Variants in WWOX observed in about 807,000 individuals in gnomAD.
WWOX encodes WW domain-containing oxidoreductase.
A neutral mutation model predicts 46.2 loss-of-function variants in WWOX; 69 were observed. The ratio of observed to expected loss-of-function variants is 1.49; its 90% CI spans 1.23 to 1.82. The LOEUF is 1.82. Ranked by LOEUF, WWOX falls within the 40% of genes most tolerant of loss-of-function variation. WWOX has a pLI of 0.00. For synonymous variants in WWOX, 359 were observed against 202.6 expected, an observed-to-expected ratio of 1.77 and a Z score of -6.56; for missense variants, 919 against 542.6, an observed-to-expected ratio of 1.69 and a Z score of -6.89.
chr16:78,537,125 C>T (rs764930215), intron 8 of WWOX, among the ~76,000 whole-genome samples: 22 of 151,968 alleles, frequency 1.4e-4, no homozygotes, highest in Non-Finnish European at 2.9e-4. Context: ...CCATGTTGTC[C>T]AGGCTGGTCT....
At position 78,597,823 on chromosome 16, in the gene WWOX, C is replaced by CT. The variant is rs1419510326; in HGVS notation, c.1056+165080dup. On this transcript the variant is annotated intron_variant, in intron 8 of 8. Coordinates refer to ENST00000566780, the MANE Select transcript of WWOX (RefSeq NM_016373.4). ...TATACTGAATGCTAAGCCCTCCCCA[C>CT]TTTTTTTTTCTTTTTTAAATTCAGA... Among the ~76,000 whole-genome samples the CT allele has an allele frequency of 4.0e-5, 6 of 150,016 alleles. 1 individual carries two copies. The South Asian group carries it at 6.3e-4, about 16-fold the overall frequency.
intron 5 of WWOX, among the ~76,000 whole-genome samples, chr16:78,262,521 G>A (rs1597417189): frequency 6.6e-6 from 1 of 152,194 alleles, no homozygotes; most frequent in Non-Finnish European, 1.5e-5. Context: ...GGGGGCAGAT[G>A]CAGCCATTCA....
At chr16:78,961,772 A>C (rs1344144899) in intron 8 of WWOX, among the ~76,000 whole-genome samples, 1 of 152,140 alleles carries the variant, frequency 6.6e-6, no homozygotes, top group Admixed American at 6.5e-5. Flanking sequence ...TATCTTTTAA[A>C]CAAGTACCTC....
chr16:78,808,709 A>G (rs892479690), intron 8 of WWOX, among the ~76,000 whole-genome samples: 4 of 152,134 alleles, frequency 2.6e-5, no homozygotes, highest in African/African-American at 9.7e-5. Context: ...CACTAGATTG[A>G]GTGGTTCCAT....
At chr16:79,050,968 T>G (rs970364108) in intron 8 of WWOX, among the ~76,000 whole-genome samples, 1 of 152,208 alleles carries the variant, frequency 6.6e-6, no homozygotes, top group Admixed American at 6.5e-5. Flanking sequence ...CAGCCTTGAG[T>G]GCTCCTTGTG....
intron 5 of WWOX, chr16:78,168,101 C>T (rs1048305150): frequency 1.3e-5 from 2 of 152,178 alleles, no homozygotes; most frequent in Admixed American, 6.5e-5. Flanking sequence ...TTTGTTGCAG[C>T]AAAAGCTCAT....
At chr16:78,104,910 G>C (rs60424627) in intron 1 of WWOX, among the ~76,000 whole-genome samples, 52 of 152,238 alleles carry the variant, frequency 3.4e-4, no homozygotes, top group African/African-American at 1.3e-3. Context: ...CTGAGGCATG[G>C]GATTAAATGA....
At chr16:79,173,685 G>C (rs1306698573) in intron 8 of WWOX, among the ~76,000 whole-genome samples, 1 of 149,708 alleles carries the variant, frequency 6.7e-6, no homozygotes, top group Non-Finnish European at 1.5e-5. Flanking sequence ...TCAACCTGAA[G>C]GTTCAACAGC....
chr16:78,527,342 A>G (rs2043499071), intron 8 of WWOX, among the ~76,000 whole-genome samples: 1 of 139,692 alleles, frequency 7.2e-6, no homozygotes, highest in African/African-American at 2.6e-5. Flanking sequence ...TGCCTAGACT[A>G]GAGTGCAGTG....
intron 4 of WWOX, among the ~76,000 whole-genome samples, chr16:78,158,474 C>A (rs1378391710): frequency 6.6e-6 from 1 of 151,904 alleles, no homozygotes; most frequent in East Asian, 1.9e-4. Flanking sequence ...CCCTCCCTCC[C>A]CTCCCCTCCT....
intron 8 of WWOX, among the ~76,000 whole-genome samples, chr16:78,812,781 C>G (rs1283281526): frequency 3.9e-5 from 6 of 152,072 alleles, no homozygotes; most frequent in South Asian, 2.1e-4. Context: ...AGAATCAGCA[C>G]TAATTTACAA....
intron 8 of WWOX, among the ~76,000 whole-genome samples, chr16:78,731,839 CTTTCTCT>C (rs1353206935): frequency 3.6e-5 from 4 of 111,496 alleles, no homozygotes; most frequent in African/African-American, 2.1e-4. Context: ...AATTTTTTTT[CTTTCTCT>C]TTTTTTTTTT....
Position 79,140,761 on chromosome 16 carries a change from T to C in WWOX, c.1057-70847T>C, listed in dbSNP as rs545838856. On this transcript the variant is annotated intron_variant, in intron 8 of 8. Coordinates refer to ENST00000566780, the MANE Select transcript of WWOX (RefSeq NM_016373.4). ...TTAAACATAAGCTTTCAAGGTGAGT[T>C]GTGCAGAGGCAAGTCTGCTTGTTTC... Among the ~76,000 whole-genome samples the C allele has an allele frequency of 2.6e-5, 4 of 152,296 alleles. No individual in the cohort carries two copies. In the South Asian group the frequency reaches 6.2e-4, roughly 24 times the overall value.
At chr16:78,585,957 G>C (rs1346116241) in intron 8 of WWOX, among the ~76,000 whole-genome samples, 1 of 152,012 alleles carries the variant, frequency 6.6e-6, no homozygotes, top group East Asian at 1.9e-4. Context: ...AGCAGTTTTG[G>C]AGGCCGAGAC....
intron 8 of WWOX, among the ~76,000 whole-genome samples, chr16:78,665,107 A>C (rs2047300455): frequency 6.6e-6 from 1 of 152,162 alleles, no homozygotes; most frequent in Non-Finnish European, 1.5e-5. Context: ...TGCGATGGGG[A>C]CAAAAGATAG....
At chr16:78,600,939 G>C (rs1428712431) in intron 8 of WWOX, among the ~76,000 whole-genome samples, 1 of 152,142 alleles carries the variant, frequency 6.6e-6, no homozygotes, top group East Asian at 1.9e-4. Context: ...CTGTAGCTTT[G>C]GAGGTACCTG....
At chr16:78,308,332 A>C (rs1438241060) in intron 5 of WWOX, among the ~76,000 whole-genome samples, 1 of 152,146 alleles carries the variant, frequency 6.6e-6, no homozygotes, top group East Asian at 1.9e-4. Context: ...AATAAACCTG[A>C]AAAACTAGTT....
chr16:78,375,572 T>C (rs1597124674), intron 5 of WWOX, among the ~76,000 whole-genome samples: 1 of 152,242 alleles, frequency 6.6e-6, no homozygotes, highest in African/African-American at 2.4e-5. Context: ...AATTATTGGT[T>C]GTTTTGCTTT....
intron 8 of WWOX, among the ~76,000 whole-genome samples, chr16:78,785,681 T>C (rs1680294047): frequency 6.6e-6 from 1 of 152,230 alleles, no homozygotes; most frequent in African/African-American, 2.4e-5. Flanking sequence ...CAGTATAAAA[T>C]TGCAGTATGT....
Sources: allele counts gnomAD v4.1 joint callset (sites outside exome capture counted in the v4.1 genomes callset), GRCh38; gene constraint gnomAD v4.1.1; transcripts MANE v1.5; gene names NCBI Gene and HGNC (gene_info 2026-07-23, HGNC 2026-07-21).